FBP1: variants seen among roughly 807,000 people sequenced by gnomAD.
FBP1 encodes the protein fructose-bisphosphatase 1.
FBP1 carries 22 observed loss-of-function variants against 29.9 expected under a neutral mutation model. The observed-to-expected ratio is 0.74, with a 90% confidence interval of 0.53 to 1.05. The LOEUF (loss-of-function observed/expected upper bound fraction) is 1.05, where lower values mean the gene tolerates loss of function less well. Ranked by LOEUF, FBP1 falls within the 50% of genes least tolerant of loss-of-function variation. The pLI is 0.00. For missense variants in FBP1, 345 were observed against 448.2 expected (o/e 0.77, Z 2.08); for synonymous variants, 175 against 178.6 (o/e 0.98, Z 0.16).
chr9:94,609,402 C>CA, intron 4 of FBP1, among the ~76,000 whole-genome samples: 1 of 152,214 alleles, frequency 6.6e-6, no homozygotes, highest in East Asian at 1.9e-4. Context: ...AGAATATCTA[C>CA]AGCCCCATCA....
chr9:94,610,072 A>G lies in FBP1; in HGVS notation c.427-11T>C, dbSNP rs575004435. On this transcript the variant is annotated splice_polypyrimidine_tract_variant and intron_variant, in intron 3 of 6. Coordinates refer to ENST00000375326, the MANE Select transcript of FBP1 (RefSeq NM_000507.4). ...CTCATCAGTTGATTTCTAGAGCAAGAAAGAAATCAAAGAATGTTTTTGTTT... is the reference window on the plus strand; with the variant it reads ...CTCATCAGTTGATTTCTAGAGCAAGGAAGAAATCAAAGAATGTTTTTGTTT... 1.9e-6 allele frequency: 3 copies of G among 1,613,216 alleles called. No individual in the cohort carries two copies.
At chr9:94,624,915 G>A (rs1161548148) in intron 1 of FBP1, among the ~76,000 whole-genome samples, 9 of 152,036 alleles carry the variant, frequency 5.9e-5, no homozygotes, top group Admixed American at 5.2e-4. Context: ...AGAGGAGACC[G>A]GAGGGAGAAA....
chr9:94,615,080 T>C (rs1587857826), intron 3 of FBP1, among the ~76,000 whole-genome samples: 1 of 152,188 alleles, frequency 6.6e-6, no homozygotes, highest in South Asian at 2.1e-4. Context: ...GGCTGATTTT[T>C]TGTATTTTTG....
At chr9:94,611,394 C>T (rs1563980794) in intron 3 of FBP1, among the ~76,000 whole-genome samples, 1 of 152,106 alleles carries the variant, frequency 6.6e-6, no homozygotes, top group East Asian at 1.9e-4. Flanking sequence ...TAATTTCTTC[C>T]CATAACTTTC....
chr9:94,607,951 T>C (rs747546542), intron 4 of FBP1, among the ~76,000 whole-genome samples: 36 of 152,344 alleles, frequency 2.4e-4, no homozygotes, highest in Non-Finnish European at 4.4e-4. Context: ...CCTTTTTTAA[T>C]ATTTTCAAAA....
upstream of FBP1, among the ~76,000 whole-genome samples, chr9:94,639,796 G>C (rs182803105): frequency 1.3e-5 from 2 of 152,116 alleles, no homozygotes; most frequent in East Asian, 3.9e-4. Flanking sequence ...GACTCTGCCA[G>C]AGAGAAAGCT....
intron 1 of FBP1, among the ~76,000 whole-genome samples, chr9:94,625,571 G>A (rs1360430992): frequency 5.3e-5 from 8 of 152,172 alleles, no homozygotes; most frequent in African/African-American, 1.7e-4. Context: ...CGAGGCGAGC[G>A]GATCACGAGG....
chr9:94,613,114 T>G (rs1446136768), intron 3 of FBP1, among the ~76,000 whole-genome samples: 1 of 152,062 alleles, frequency 6.6e-6, no homozygotes, highest in Non-Finnish European at 1.5e-5. Flanking sequence ...ACGTCCACAG[T>G]GGTCTTTCCT....
Position 94,609,908 on chromosome 9 carries a change from T to G in FBP1, c.567+13A>C. The G allele has an allele frequency of 6.2e-7, 1 of 1,613,996 alleles. No individual in the cohort carries two copies. Among genetic ancestry groups the G allele is most frequent in the Non-Finnish European group, 8.5e-7 (1 of 1,179,978 alleles). On this transcript the variant is annotated intron_variant, in intron 4 of 6. Coordinates refer to ENST00000375326, the MANE Select transcript of FBP1 (RefSeq NM_000507.4). ...CACCAGCCAAGCCCCCAGCCTCCTGTGAGGTCTCTCACCGGGTCCAGCATG... is the reference window on the plus strand; with the variant it reads ...CACCAGCCAAGCCCCCAGCCTCCTGGGAGGTCTCTCACCGGGTCCAGCATG...
At chr9:94,620,615 G>A (rs1827932879) in intron 1 of FBP1, 124 bp from the exon 2 acceptor site, 2 of 922,100 alleles carry the variant, frequency 2.2e-6, no homozygotes, top group Admixed American at 2.0e-5. Context: ...CCTTTGCAGG[G>A]ACATGGATGA....
In FBP1 at chr9:94,605,456, C is replaced by G. The variant is rs111437558; in HGVS notation, c.825+1G>C. 1 of 1,613,606 alleles carries G rather than the reference C, an allele frequency of 6.2e-7. No homozygotes were observed. The highest frequency in any genetic ancestry group is 2.2e-5 in the East Asian group (1 of 44,892). ...ACTCCCTCTCCAGGGGACACCCTTA[C>G]CTTTCCATTGGGGCTCTTCTTGTTA... On this transcript the variant is annotated splice_donor_variant, in intron 6 of 6. Coordinates refer to ENST00000375326, the MANE Select transcript of FBP1 (RefSeq NM_000507.4). LOFTEE classifies it high-confidence loss of function.
chr9:94,616,198 C>A (rs1176812965), intron 3 of FBP1, among the ~76,000 whole-genome samples: 1 of 151,954 alleles, frequency 6.6e-6, no homozygotes, highest in South Asian at 2.1e-4. Context: ...CCTCTTCAGT[C>A]GATTCCAGCC....
At position 94,605,553 on chromosome 9, in the gene FBP1, G is replaced by A. The variant is rs1259642106; in HGVS notation, c.729C>T (p.Ala243=). ...FPPDNSAPYG[A]RYVGSMVADV... ...CAGCCACCATGGAGCCCACATACCGGGCCCCATAAGGAGCTGAATTATCCT... is the reference window on the plus strand; with the variant it reads ...CAGCCACCATGGAGCCCACATACCGAGCCCCATAAGGAGCTGAATTATCCT... Residue 243 remains alanine, a synonymous_variant, in exon 6 of 7, where the codon GCC becomes GCT. Coordinates refer to ENST00000375326, the MANE Select transcript of FBP1 (RefSeq NM_000507.4). 8 of 1,613,734 alleles carry A rather than the reference G, an allele frequency of 5.0e-6. No homozygotes were observed. Among genetic ancestry groups the A allele is most frequent in the Non-Finnish European group, 5.9e-6 (7 of 1,179,916 alleles).
intron 2 of FBP1, among the ~76,000 whole-genome samples, chr9:94,619,302 G>A (rs1376441709): frequency 6.6e-6 from 1 of 152,138 alleles, no homozygotes; most frequent in African/African-American, 2.4e-5. Context: ...GGTGAGGACA[G>A]GCAGCCTCTT....
intron 1 of FBP1, among the ~76,000 whole-genome samples, chr9:94,636,929 A>C (rs941354483): frequency 2.0e-5 from 3 of 152,150 alleles, no homozygotes; most frequent in Middle Eastern, 6.8e-3. Flanking sequence ...ACTTTGAGTG[A>C]TCTACCCGTC....
intron 3 of FBP1, among the ~76,000 whole-genome samples, chr9:94,610,856 T>C (rs1215200095): frequency 2.1e-5 from 3 of 142,378 alleles, no homozygotes; most frequent in Non-Finnish European, 3.0e-5. Context: ...TTACTATTAA[T>C]GATTTTCTTC....
chr9:94,614,131 G>A (rs1311309152), intron 3 of FBP1, among the ~76,000 whole-genome samples: 1 of 141,498 alleles, frequency 7.1e-6, no homozygotes, highest in Admixed American at 7.4e-5. Flanking sequence ...GGAAGAAGAA[G>A]AGGAGGGAGA....
At chr9:94,629,599 C>T (rs896247259) in intron 1 of FBP1, among the ~76,000 whole-genome samples, 2 of 152,140 alleles carry the variant, frequency 1.3e-5, no homozygotes, top group African/African-American at 4.8e-5. Flanking sequence ...AAAATGTGTG[C>T]AAGAGTGAGA....
At chr9:94,627,815 C>G (rs1283626701) in intron 1 of FBP1, among the ~76,000 whole-genome samples, 1 of 152,180 alleles carries the variant, frequency 6.6e-6, no homozygotes, top group Admixed American at 6.5e-5. Context: ...AACCATCACA[C>G]GACCCTGTCC....
Sources: gnomAD v4.1 joint callset for allele counts (sites outside exome capture counted in the v4.1 genomes callset) on GRCh38, gnomAD v4.1.1 for gene constraint, MANE v1.5 for transcripts, NCBI Gene and HGNC (gene_info 2026-07-23, HGNC 2026-07-21) for gene names.